The following MYT1L variants were observed in gnomAD, a reference collection of about 807,000 sequenced individuals.
The protein encoded by MYT1L is myelin transcription factor 1 like, also known as myelin transcription factor 1-like protein.
A neutral mutation model predicts 126.7 loss-of-function variants in MYT1L; 12 were observed. The observed-to-expected ratio is 0.09, with a 90% CI of 0.06 to 0.15. The LOEUF (loss-of-function observed/expected upper bound fraction) is 0.15. Among genes scored for constraint, MYT1L ranks in the 10% least tolerant of loss-of-function variants. The pLI, the probability that MYT1L is intolerant of heterozygous loss-of-function variation, is 1.00. For synonymous variants in MYT1L, 541 were observed against 604.2 expected, an observed-to-expected ratio of 0.90 and a Z score of 1.53; for missense variants, 979 against 1,585.2, an observed-to-expected ratio of 0.62 and a Z score of 6.49.
Position 1,979,438 on chromosome 2 carries a change from G to A in MYT1L, c.89+83C>T. On this transcript the variant is annotated intron_variant, in intron 7 of 24. Transcript: ENST00000647738. The surrounding 1 kb of genome is among the most constrained non-coding windows in gnomAD (Gnocchi z 4.0). ...CAGGGCGTGAGCAAGCTGCCGATGA[G>A]CTGGAAGGTGCAGTGTGCCCATTAG... 7.4e-7 allele frequency: 1 copy of A among 1,357,946 alleles called. No homozygotes were observed. Among genetic ancestry groups the A allele is most frequent in the East Asian group, 2.3e-5 (1 of 43,618 alleles). The allele number at this position is 1,357,946 out of a possible 1,614,324, so 84.1% of individuals were successfully genotyped here. A position where few individuals can be genotyped will look rare whatever the true frequency, so the allele number is the denominator to read the frequency against.
At chr2:1,814,365 C>G (rs1307228059) in intron 21 of MYT1L, among the ~76,000 whole-genome samples, 1 of 152,236 alleles carries the variant, frequency 6.6e-6, no homozygotes, top group Non-Finnish European at 1.5e-5. Context: ...CTCGAATCCC[C>G]TGCGCCCTGG....
intron 18 of MYT1L, among the ~76,000 whole-genome samples, chr2:1,859,815 G>A (rs1299873893): frequency 6.6e-6 from 1 of 152,232 alleles, no homozygotes; most frequent in Non-Finnish European, 1.5e-5. Flanking sequence ...GAGGACGCAC[G>A]CATGCTGCCC....
chr2:2,027,695 G>A (rs1475338567), intron 4 of MYT1L, among the ~76,000 whole-genome samples: 3 of 152,100 alleles, frequency 2.0e-5, no homozygotes, highest in Non-Finnish European at 4.4e-5. Flanking sequence ...GCTAACAAAG[G>A]GTTTACATTC....
intron 11 of MYT1L, among the ~76,000 whole-genome samples, chr2:1,916,037 C>T (rs1022958252): frequency 7.2e-5 from 11 of 152,156 alleles, no homozygotes; most frequent in Non-Finnish European, 1.3e-4. Context: ...ATGTAACACA[C>T]GGGATTGGAG....
chr2:2,175,867 G>A (rs2090691378), intron 2 of MYT1L, among the ~76,000 whole-genome samples: 1 of 152,212 alleles, frequency 6.6e-6, no homozygotes, highest in Non-Finnish European at 1.5e-5. Flanking sequence ...TCTTCCGCCT[G>A]TTTCTGTAGC....
chr2:2,287,844 C>T (rs1010873302), intron 1 of MYT1L, among the ~76,000 whole-genome samples: 1 of 152,182 alleles, frequency 6.6e-6, no homozygotes, highest in African/African-American at 2.4e-5. Flanking sequence ...AGCAATGAAA[C>T]TCAAACTCTA....
At chr2:1,973,904 T>C (rs2059986590) in intron 8 of MYT1L, among the ~76,000 whole-genome samples, 1 of 152,124 alleles carries the variant, frequency 6.6e-6, no homozygotes, top group African/African-American at 2.4e-5. Flanking sequence ...ACCCCACTTA[T>C]CTCCACGGGG....
intron 21 of MYT1L, among the ~76,000 whole-genome samples, chr2:1,837,301 C>A (rs1309406361): frequency 2.0e-5 from 3 of 152,222 alleles, no homozygotes; most frequent in African/African-American, 7.2e-5. Flanking sequence ...AGTGCCGTCC[C>A]TGGAGTGCAG....
chr2:2,001,496 T>C (rs2062393969), intron 4 of MYT1L, among the ~76,000 whole-genome samples: 1 of 152,180 alleles, frequency 6.6e-6, no homozygotes, highest in Admixed American at 6.5e-5. Flanking sequence ...AAACATTTGA[T>C]CAATAATAGA....
chr2:1,981,875 C>T (rs1275256223), intron 5 of MYT1L, among the ~76,000 whole-genome samples: 2 of 152,102 alleles, frequency 1.3e-5, no homozygotes, highest in African/African-American at 4.8e-5. Flanking sequence ...TCAGCCAATT[C>T]GGGAACATAA....
intron 18 of MYT1L, among the ~76,000 whole-genome samples, chr2:1,880,732 C>A (rs1356725928): frequency 6.6e-6 from 1 of 152,172 alleles, no homozygotes; most frequent in Non-Finnish European, 1.5e-5. Context: ...TGACAGTGAT[C>A]TCCAATGACT....
chr2:2,003,991 G>GTTCTTTCCTGCATGCC lies in MYT1L; in HGVS notation c.-157-6660_-157-6645dup, dbSNP rs751696890. Among the ~76,000 whole-genome samples the GTTCTTTCCTGCATGCC allele has an allele frequency of 6.4e-4, 95 of 148,492 alleles. No individual in the cohort carries two copies. In the South Asian group the frequency reaches 7.8e-3, roughly 12 times the overall value. On this transcript the variant is annotated intron_variant, in intron 4 of 24. Coordinates refer to ENST00000647738, the MANE Select transcript of MYT1L (RefSeq NM_001303052.2). Reference sequence around the variant, plus strand: ...CCTGCAGGCATTCTTTCCTGCAAGCGTTCTTTCCTGCATGCCTTCTTTCCT... The same window carrying GTTCTTTCCTGCATGCC: ...CCTGCAGGCATTCTTTCCTGCAAGCGTTCTTTCCTGCATGCCTTCTTTCCTGCATGCCTTCTTTCCT...
At chr2:1,812,038 G>A (rs2036743332) in intron 21 of MYT1L, among the ~76,000 whole-genome samples, 3 of 152,294 alleles carry the variant, frequency 2.0e-5, no homozygotes, top group African/African-American at 2.4e-5. Flanking sequence ...GGATGTTAAC[G>A]CCACTTTTCC....
intron 4 of MYT1L, among the ~76,000 whole-genome samples, chr2:2,043,636 G>A (rs1425482931): frequency 4.6e-5 from 7 of 152,132 alleles, no homozygotes; most frequent in Non-Finnish European, 1.0e-4. Context: ...ATGGGTCCAT[G>A]TCTTACTCAT....
intron 4 of MYT1L, among the ~76,000 whole-genome samples, chr2:2,053,151 G>A (rs759284944): frequency 2.6e-5 from 4 of 152,188 alleles, no homozygotes; most frequent in Non-Finnish European, 4.4e-5. Context: ...GTGAAAGAGA[G>A]CAGTCACAAA....
chr2:2,143,517 G>C (rs940229522), intron 3 of MYT1L, among the ~76,000 whole-genome samples: 14 of 152,142 alleles, frequency 9.2e-5, no homozygotes, highest in African/African-American at 3.1e-4. Context: ...GTCCTCTCAG[G>C]GGGTAGGAGC....
intron 3 of MYT1L, among the ~76,000 whole-genome samples, chr2:2,165,350 A>C (rs997344616): frequency 3.3e-5 from 5 of 151,936 alleles, no homozygotes; most frequent in Non-Finnish European, 7.4e-5. Context: ...ACACACACAC[A>C]CACGTGCACA....
At chr2:2,296,299 G>A (rs2095692605) in intron 1 of MYT1L, among the ~76,000 whole-genome samples, 1 of 151,856 alleles carries the variant, frequency 6.6e-6, no homozygotes, top group Non-Finnish European at 1.5e-5. Flanking sequence ...TTCCAAAGAG[G>A]CCAATTCTCT....
At chr2:2,188,053 A>T (rs1410981094) in intron 2 of MYT1L, among the ~76,000 whole-genome samples, 2 of 152,178 alleles carry the variant, frequency 1.3e-5, no homozygotes, top group Admixed American at 1.3e-4. Flanking sequence ...ATAACACTTA[A>T]TGGCAAGCTC....
Sources: allele counts gnomAD v4.1 joint callset (sites outside exome capture counted in the v4.1 genomes callset), GRCh38; gene constraint gnomAD v4.1.1; non-coding constraint Gnocchi (gnomAD v3.1); transcripts MANE v1.5; gene names NCBI Gene and HGNC (gene_info 2026-07-23, HGNC 2026-07-21).